Variants in WWOX observed in about 807,000 individuals in gnomAD.
WWOX encodes the protein WW domain-containing oxidoreductase.
A neutral mutation model predicts 46.2 loss-of-function variants in WWOX; 69 were observed. The observed-to-expected ratio is 1.49, with a 90% confidence interval of 1.23 to 1.82. WWOX has a LOEUF of 1.82. Among genes scored for constraint, WWOX ranks in the 40% most tolerant of loss-of-function variants. The pLI, the probability that WWOX is intolerant of heterozygous loss-of-function variation, is 0.00. For synonymous variants in WWOX, 359 were observed against 202.6 expected, an observed-to-expected ratio of 1.77 and a Z score of -6.56; for missense variants, 919 against 542.6, an observed-to-expected ratio of 1.69 and a Z score of -6.89.
At chr16:78,894,322 AG>A (rs569194787) in intron 8 of WWOX, among the ~76,000 whole-genome samples, 1,791 of 152,336 alleles carry the variant, frequency 0.012, 25 homozygotes, top group Middle Eastern at 0.024. Flanking sequence ...TTTAGACTCA[AG>A]CCTGGTTCTT....
chr16:78,996,294 G>C (rs2046986119), intron 8 of WWOX: 1 of 984,764 alleles, frequency 1.0e-6, no homozygotes, highest in Non-Finnish European at 1.2e-6. Context: ...CTGGAAGATG[G>C]ATCTTGCCTT....
chr16:78,751,592 C>G (rs569384694), intron 8 of WWOX, among the ~76,000 whole-genome samples: 88 of 151,216 alleles, frequency 5.8e-4, no homozygotes, highest in African/African-American at 2.1e-3. Context: ...ACAAAACATT[C>G]TTCCATCAGT....
At chr16:79,008,578 C>T (rs931645284) in intron 8 of WWOX, among the ~76,000 whole-genome samples, 1 of 152,164 alleles carries the variant, frequency 6.6e-6, no homozygotes, top group Non-Finnish European at 1.5e-5. Context: ...CCCCATTTCA[C>T]AGATGTTGAA....
intron 8 of WWOX, among the ~76,000 whole-genome samples, chr16:79,011,222 G>T (rs919987481): frequency 1.3e-5 from 2 of 150,378 alleles, no homozygotes; most frequent in African/African-American, 2.4e-5. Flanking sequence ...GGCTCACCCT[G>T]AAATTCCTTA....
intron 5 of WWOX, among the ~76,000 whole-genome samples, chr16:78,291,654 C>T (rs2079860261): frequency 6.6e-6 from 1 of 152,074 alleles, no homozygotes; most frequent in Non-Finnish European, 1.5e-5. Flanking sequence ...GCTAACGTTT[C>T]TTGGGATTTT....
At chr16:78,929,352 G>C (rs8052534) in intron 8 of WWOX, among the ~76,000 whole-genome samples, 52,314 of 151,644 alleles carry the variant, frequency 0.34, 11,209 homozygotes, top group African/African-American at 0.61. Context: ...TTTCTATATA[G>C]TGCATATTTT....
intron 8 of WWOX, among the ~76,000 whole-genome samples, chr16:78,768,731 C>T (rs983596377): frequency 2.6e-5 from 4 of 151,954 alleles, no homozygotes; most frequent in Admixed American, 6.6e-5. Flanking sequence ...TAATTATCGG[C>T]GTGTTTTATG....
At chr16:78,186,219 A>G (rs1188304363) in intron 5 of WWOX, among the ~76,000 whole-genome samples, 1 of 151,582 alleles carries the variant, frequency 6.6e-6, no homozygotes, top group African/African-American at 2.4e-5. Context: ...ATTGAAGTTC[A>G]TTTAATCTGT....
At chr16:78,745,755 C>A (rs921289590) in intron 8 of WWOX, among the ~76,000 whole-genome samples, 9 of 151,666 alleles carry the variant, frequency 5.9e-5, no homozygotes, top group African/African-American at 2.2e-4. Flanking sequence ...CCTCCCTCTT[C>A]CTCCTCTTTT....
At chr16:78,500,722 C>CT (rs1238234321) in intron 8 of WWOX, among the ~76,000 whole-genome samples, 2 of 152,142 alleles carry the variant, frequency 1.3e-5, no homozygotes, top group African/African-American at 4.8e-5. Context: ...TGTGTTTGTG[C>CT]TGGAAGCCCC....
chr16:78,670,786 A>G (rs2047444146), intron 8 of WWOX, among the ~76,000 whole-genome samples: 1 of 152,036 alleles, frequency 6.6e-6, no homozygotes. Context: ...TGCTGGGATT[A>G]CAGACATGAG....
intron 5 of WWOX, among the ~76,000 whole-genome samples, chr16:78,365,992 T>G (rs138732598): frequency 6.6e-6 from 1 of 152,196 alleles, no homozygotes; most frequent in Non-Finnish European, 1.5e-5. Flanking sequence ...GCTTGTGATT[T>G]GAAGCTTCTT....
chr16:78,437,440 A>G (rs971617426), intron 8 of WWOX, among the ~76,000 whole-genome samples: 5 of 152,208 alleles, frequency 3.3e-5, no homozygotes, highest in Admixed American at 6.5e-5. Flanking sequence ...GTTGCTGTAA[A>G]TGCATTATCA....
In WWOX at chr16:79,211,462, T is replaced by C. The variant is rs952123384; in HGVS notation, c.1057-146T>C. ...TTATACTTTTTACAGTCATGTGCTTTCAGCCCAGTACCCTTTGCTATGCCA... is the reference window on the plus strand; with the variant it reads ...TTATACTTTTTACAGTCATGTGCTTCCAGCCCAGTACCCTTTGCTATGCCA... On this transcript the variant is annotated intron_variant, in intron 8 of 8. Coordinates refer to ENST00000566780, the MANE Select transcript of WWOX (RefSeq NM_016373.4). The C allele has an allele frequency of 2.7e-5, 27 of 993,364 alleles. No homozygotes were observed. The African/African-American group carries it at 3.7e-4, about 14-fold the overall frequency. The allele number at this position is 993,364 out of a possible 1,614,324, so 61.5% of individuals were successfully genotyped here.
At chr16:78,183,005 T>C (rs548093868) in intron 5 of WWOX, among the ~76,000 whole-genome samples, 1 of 149,380 alleles carries the variant, frequency 6.7e-6, no homozygotes, top group African/African-American at 2.5e-5. Flanking sequence ...TCCCAAGAAC[T>C]CATGGTCCAA....
intron 8 of WWOX, among the ~76,000 whole-genome samples, chr16:78,513,420 C>G (rs987768528): frequency 6.6e-6 from 1 of 152,084 alleles, no homozygotes; most frequent in Non-Finnish European, 1.5e-5. Flanking sequence ...ATCAGTGAGG[C>G]TAGGAATCAC....
chr16:78,948,436 T>C (rs946389637), intron 8 of WWOX, among the ~76,000 whole-genome samples: 1 of 152,208 alleles, frequency 6.6e-6, no homozygotes, highest in African/African-American at 2.4e-5. Flanking sequence ...ATCCATTTTC[T>C]TGTGAGTGAG....
intron 8 of WWOX, among the ~76,000 whole-genome samples, chr16:78,624,028 G>A (rs2046252331): frequency 6.6e-6 from 1 of 152,148 alleles, no homozygotes; most frequent in Non-Finnish European, 1.5e-5. Context: ...GATGAGGAAA[G>A]TAAGAACCCA....
intron 8 of WWOX, among the ~76,000 whole-genome samples, chr16:79,190,379 C>T (rs565855843): frequency 2.0e-5 from 3 of 152,154 alleles, no homozygotes; most frequent in South Asian, 2.1e-4. Flanking sequence ...AGCTATTAGG[C>T]GTAGATTCCT....
Sources: gnomAD v4.1 joint callset for allele counts (sites outside exome capture counted in the v4.1 genomes callset) on GRCh38, gnomAD v4.1.1 for gene constraint, MANE v1.5 for transcripts, NCBI Gene and HGNC (gene_info 2026-07-23, HGNC 2026-07-21) for gene names.